Variants in CAMTA1 observed in about 807,000 individuals in gnomAD.
The protein encoded by CAMTA1 is calmodulin-binding transcription activator 1.
Under a neutral mutation model 170.9 loss-of-function variants are expected in CAMTA1, and 27 were observed. The ratio of observed to expected loss-of-function variants is 0.16; its 90% CI spans 0.12 to 0.22. The LOEUF (loss-of-function observed/expected upper bound fraction) is 0.22. Ranked by LOEUF, CAMTA1 falls within the 10% of genes least tolerant of loss-of-function variation. The pLI, the probability that CAMTA1 is intolerant of heterozygous loss-of-function variation, is 1.00. For missense variants in CAMTA1, 1,619 were observed against 2,217.2 expected (o/e 0.73, Z 5.42); for synonymous variants, 833 against 891.5 (o/e 0.93, Z 1.17).
chr1:7,181,152 A>T (rs977998420), intron 4 of CAMTA1, among the ~76,000 whole-genome samples: 1 of 152,200 alleles, frequency 6.6e-6, no homozygotes, highest in Non-Finnish European at 1.5e-5. Flanking sequence ...AAACATAATG[A>T]TTATCTCCAT....
At chr1:7,716,503 T>C (rs889065542) in intron 11 of CAMTA1, among the ~76,000 whole-genome samples, 4 of 152,212 alleles carry the variant, frequency 2.6e-5, no homozygotes, top group Non-Finnish European at 5.9e-5. Context: ...CCAGATTTTG[T>C]AGCACTATGA....
At chr1:7,262,273 T>C (rs1411142239) in intron 5 of CAMTA1, among the ~76,000 whole-genome samples, 4 of 152,096 alleles carry the variant, frequency 2.6e-5, no homozygotes, top group Non-Finnish European at 5.9e-5. Context: ...TCAAAGAGTC[T>C]TAAATGGGCC....
At chr1:7,648,508 G>T (rs1432895934) in intron 7 of CAMTA1, among the ~76,000 whole-genome samples, 1 of 152,174 alleles carries the variant, frequency 6.6e-6, no homozygotes, top group Non-Finnish European at 1.5e-5. Flanking sequence ...GGAGAGAGAG[G>T]GGGTGTTGTT....
Position 6,836,062 on chromosome 1 carries a change from CCTGTCTACCTGCCTAT to C in CAMTA1, c.234+10854_234+10869del, listed in dbSNP as rs1288004932. 3.9e-5 allele frequency among the ~76,000 whole-genome samples: 6 copies of C among 152,158 alleles called. No homozygotes were observed. The South Asian group carries it at 1.2e-3, about 31-fold the overall frequency. On this transcript the variant is annotated intron_variant, in intron 3 of 22. Coordinates refer to ENST00000303635, the MANE Select transcript of CAMTA1 (RefSeq NM_015215.4). ...GTCTGCCTGCCTACCTGCCTGTCTA[CCTGTCTACCTGCCTAT>C]CCAGCTACCTGCCTACCCACCTTCA...
At chr1:6,858,041 G>A (rs759757235) in intron 3 of CAMTA1, among the ~76,000 whole-genome samples, 2 of 152,178 alleles carry the variant, frequency 1.3e-5, no homozygotes, top group African/African-American at 4.8e-5. Flanking sequence ...ATTGCTGTGC[G>A]AATGAATTAA....
chr1:7,463,548 GAGAA>G lies in CAMTA1; in HGVS notation c.439-4277_439-4274del, dbSNP rs1186076092. ...ATTGAGAGACAGGGAGAGACAGAGA[GAGAA>G]AGAAGATGAGACAGATACAGAGATA... On this transcript the variant is annotated intron_variant, in intron 5 of 22. Transcript: ENST00000303635. The surrounding 1 kb of genome is among the most constrained non-coding windows in gnomAD (Gnocchi z 4.7). 6.6e-6 allele frequency among the ~76,000 whole-genome samples: 1 copy of G among 152,086 alleles called. No individual in the cohort carries two copies. Among genetic ancestry groups the G allele is most frequent in the Non-Finnish European group, 1.5e-5 (1 of 68,022 alleles).
At chr1:7,498,679 A>G (rs1362703061) in intron 6 of CAMTA1, among the ~76,000 whole-genome samples, 2 of 136,894 alleles carry the variant, frequency 1.5e-5, no homozygotes, top group Non-Finnish European at 3.2e-5. Flanking sequence ...CATTGAGTGC[A>G]TGCATATGTA....
At position 7,234,220 on chromosome 1, in the gene CAMTA1, C is replaced by T. The variant is rs1663388901; in HGVS notation, c.303-15271C>T. 6.6e-6 allele frequency among the ~76,000 whole-genome samples: 1 copy of T among 152,174 alleles called. No homozygotes were observed. Among genetic ancestry groups the T allele is most frequent in the Admixed American group, 6.5e-5 (1 of 15,282 alleles). ...TTGTCTGCCAGCCTCTGCCAAGCTT[C>T]CTCTCCAAACCTGGGCCTCGCCACG... On this transcript the variant is annotated intron_variant, in intron 4 of 22. Transcript: ENST00000303635. This position sits in a 1 kb window ranked among gnomAD's most constrained non-coding sequence, Gnocchi z 5.0.
intron 3 of CAMTA1, among the ~76,000 whole-genome samples, chr1:6,995,568 C>T (rs1257734500): frequency 1.3e-5 from 2 of 152,092 alleles, no homozygotes; most frequent in Admixed American, 1.3e-4. Flanking sequence ...TCCCAAAGTG[C>T]TGGGATTACA....
At chr1:7,296,153 T>A (rs1673909771) in intron 5 of CAMTA1, among the ~76,000 whole-genome samples, 2 of 151,990 alleles carry the variant, frequency 1.3e-5, no homozygotes, top group African/African-American at 4.8e-5. Flanking sequence ...TTCATCAGAG[T>A]GAGCAAGTGA....
chr1:7,001,427 AT>A (rs1308578129), intron 3 of CAMTA1, among the ~76,000 whole-genome samples: 12 of 152,322 alleles, frequency 7.9e-5, no homozygotes, highest in Admixed American at 5.2e-4. Flanking sequence ...CTGACCTGCT[AT>A]TTCTGCAATA....
At chr1:6,962,573 C>T (rs1690651006) in intron 3 of CAMTA1, among the ~76,000 whole-genome samples, 1 of 140,538 alleles carries the variant, frequency 7.1e-6, no homozygotes, top group Non-Finnish European at 1.6e-5. Context: ...ATCCAGCCTT[C>T]CCACCTGGCC....
rs2096869774 is a variant in CAMTA1 at position 7,748,064 on chromosome 1, T to C, written c.4689+283T>C. Among the ~76,000 whole-genome samples the C allele has an allele frequency of 6.6e-6, 1 of 152,084 alleles. No homozygotes were observed. The highest frequency in any genetic ancestry group is 1.9e-4 in the East Asian group (1 of 5,162). On this transcript the variant is annotated intron_variant, in intron 19 of 22. Coordinates refer to ENST00000303635, the MANE Select transcript of CAMTA1 (RefSeq NM_015215.4). The surrounding 1 kb of genome is among the most constrained non-coding windows in gnomAD (Gnocchi z 4.7). ...AGTAGCTGGGACTACAGGCGTGTGC[T>C]ACCATGCCCAGCTGATTTTTCTAGT...
chr1:7,677,519 G>C, intron 10 of CAMTA1, 80 bp from the exon 11 acceptor site: 1 of 1,481,722 alleles, frequency 6.7e-7, no homozygotes, highest in Non-Finnish European at 9.2e-7. Flanking sequence ...GTGGGGAGGG[G>C]ACATTCCAGG....
chr1:6,969,693 G>C lies in CAMTA1; in HGVS notation c.235-121611G>C, dbSNP rs190874320. Among the ~76,000 whole-genome samples the C allele has an allele frequency of 3.9e-5, 6 of 152,308 alleles. No homozygotes were observed. The East Asian group carries it at 1.2e-3, about 29-fold the overall frequency. On this transcript the variant is annotated intron_variant, in intron 3 of 22. Coordinates refer to ENST00000303635, the MANE Select transcript of CAMTA1 (RefSeq NM_015215.4). ...CATATTTACAAAATAAAGGTTGGAT[G>C]GGTGTTTATTGGCCTTCAAAGCCAG...
intron 5 of CAMTA1, among the ~76,000 whole-genome samples, chr1:7,328,490 G>C (rs946356864): frequency 6.6e-6 from 1 of 152,076 alleles, no homozygotes; most frequent in Non-Finnish European, 1.5e-5. Context: ...GCCAGACCCT[G>C]TCTCAATAAA....
chr1:6,956,143 G>C (rs937939890), intron 3 of CAMTA1, among the ~76,000 whole-genome samples: 1 of 152,128 alleles, frequency 6.6e-6, no homozygotes, highest in Non-Finnish European at 1.5e-5. Flanking sequence ...TTCTGGCCCC[G>C]GCAGCTCTCC....
intron 5 of CAMTA1, among the ~76,000 whole-genome samples, chr1:7,263,663 A>T (rs1410957362): frequency 6.6e-6 from 1 of 151,966 alleles, no homozygotes; most frequent in Non-Finnish European, 1.5e-5. Context: ...AAGCCCAGAG[A>T]TCTATGGGCT....
rs1575723069 is a variant in CAMTA1 at position 7,511,031 on chromosome 1, C to T, written c.510+43130C>T. ...CTTTAAACTCTCCGTGTGTGTTACT[C>T]CTTCGGCACTCGCCCGATTGCCCGA... On this transcript the variant is annotated intron_variant, in intron 6 of 22. Transcript: ENST00000303635. Among the ~76,000 whole-genome samples the T allele has an allele frequency of 3.4e-5, 5 of 145,300 alleles. No homozygotes were observed. The South Asian group carries it at 1.1e-3, about 33-fold the overall frequency.
Sources: gnomAD v4.1 joint callset for allele counts (sites outside exome capture counted in the v4.1 genomes callset) on GRCh38, gnomAD v4.1.1 for gene constraint, Gnocchi (gnomAD v3.1) non-coding constraint, MANE v1.5 for transcripts, NCBI Gene and HGNC (gene_info 2026-07-23, HGNC 2026-07-21) for gene names.